Variants in ALOX12B observed in about 807,000 individuals in gnomAD.
The protein encoded by ALOX12B is arachidonate 12-lipoxygenase, 12R-type.
Under a neutral mutation model 78.9 loss-of-function variants are expected in ALOX12B, and 47 were observed. That is an observed-to-expected ratio of 0.60 (90% CI 0.47 to 0.76). The LOEUF (loss-of-function observed/expected upper bound fraction) is 0.76, where lower values mean the gene tolerates loss of function less well. Among genes scored for constraint, ALOX12B ranks in the 30% least tolerant of loss-of-function variants. The pLI, the probability that ALOX12B is intolerant of heterozygous loss-of-function variation, is 0.00. For missense variants in ALOX12B, 805 were observed against 922.6 expected, an observed-to-expected ratio of 0.87 and a Z score of 1.65; for synonymous variants, 370 against 374.5, an observed-to-expected ratio of 0.99 and a Z score of 0.14.
rs374897127 is a variant in ALOX12B at position 8,080,216 on chromosome 17, G to C, written c.754+19C>G. The C allele has an allele frequency of 5.6e-5, 91 of 1,611,302 alleles. No individual in the cohort carries two copies. The highest frequency in any genetic ancestry group is 7.1e-5 in the Non-Finnish European group (84 of 1,177,536). On this transcript the variant is annotated intron_variant, in intron 6 of 14. Transcript: ENST00000647874. The surrounding 1 kb of genome is among the most constrained non-coding windows in gnomAD (Gnocchi z 4.8). Reference sequence around the variant, plus strand: ...CCGCCTGGCTCCCCCTGCTCGATCCGGGACGCCCCATTCCATACCGGAGAC... The same window carrying C: ...CCGCCTGGCTCCCCCTGCTCGATCCCGGACGCCCCATTCCATACCGGAGAC...
rs567345973 is a variant in ALOX12B, at chr17:8,074,418, G to A, written c.1655-661C>T. Among the ~76,000 whole-genome samples, 4 of 152,130 alleles carry A rather than the reference G, an allele frequency of 2.6e-5. No individual in the cohort carries two copies. The South Asian group carries it at 8.3e-4, about 32-fold the overall frequency. ...ATGGATGACCTACATCACGTATCCA[G>A]TTGCAAAAGTCTGAAACGTGGAGTC... On this transcript the variant is annotated intron_variant, in intron 12 of 14. Transcript: ENST00000647874.
intron 10 of ALOX12B, 47 bp downstream of exon 10, chr17:8,076,610 C>A: frequency 6.5e-7 from 1 of 1,528,552 alleles, no homozygotes; most frequent in Non-Finnish European, 8.9e-7. Context: ...ACTGAAAAGG[C>A]CAGAGGAAAA....
In ALOX12B at chr17:8,079,922, C is replaced by T; in HGVS notation, c.774G>A (p.Trp258Ter). 1 of 1,612,666 alleles carries T rather than the reference C, an allele frequency of 6.2e-7. No homozygotes were observed. Among genetic ancestry groups the T allele is most frequent in the Non-Finnish European group, 8.5e-7 (1 of 1,179,596 alleles). Reference sequence around the variant, plus strand: ...GGTACCCAAAGAAGGTGTCCTCTGCCCAGTGCTCGGCCACGTACTCTGCGA... The same window carrying T: ...GGTACCCAAAGAAGGTGTCCTCTGCTCAGTGCTCGGCCACGTACTCTGCGA... ...SVVSEYVAEH[W>*]AEDTFFGYQY... The change falls in exon 7 of 15, where the codon TGG (tryptophan) becomes TGA (stop). Residue 258 changes from tryptophan to a stop codon, truncating the protein, a stop_gained. Transcript: ENST00000647874. LOFTEE classifies it high-confidence loss of function. The surrounding 1 kb of genome is among the most constrained non-coding windows in gnomAD (Gnocchi z 6.4).
rs778964875 is a variant in ALOX12B, at chr17:8,072,878, G to A, written c.1999C>T (p.Gln667Ter). The A allele has an allele frequency of 6.2e-7, 1 of 1,614,192 alleles. No homozygotes were observed. Among genetic ancestry groups the A allele is most frequent in the Non-Finnish European group, 8.5e-7 (1 of 1,180,032 alleles). The change falls in exon 15 of 15, where the codon CAG (glutamine) becomes TAG (stop). Residue 667 changes from glutamine to a stop codon, truncating the protein, a stop_gained. Coordinates refer to ENST00000647874, the MANE Select transcript of ALOX12B (RefSeq NM_001139.3). LOFTEE classifies it high-confidence loss of function. ...APRRSIEAFR[Q>*]RLNQISHDIR... ...TCGTGTGAGATCTGGTTCAGGCGCT[G>A]GCGGAACGCCTCTATGCTCCTCCGC...
rs921655203 is a variant in ALOX12B at position 8,080,336 on chromosome 17, G to A, written c.653C>T (p.Ala218Val). 6.2e-7 allele frequency: 1 copy of A among 1,614,132 alleles called. No homozygotes were observed. Among genetic ancestry groups the A allele is most frequent in the African/African-American group, 1.3e-5 (1 of 75,064 alleles). The change falls in exon 6 of 15, where the codon GCA becomes GTA. Residue 218 changes from alanine (A) to valine (V), a missense_variant and splice_region_variant. Ala to Val is a moderately conservative substitution (Grantham distance 64). Transcript: ENST00000647874. The surrounding 1 kb of genome is among the most constrained non-coding windows in gnomAD (Gnocchi z 4.8). ...CAGGCCGCGGACTTTGAAAGCCAGT[G>A]CCCTAGGAGATGGGATTCCAGGAAG... ...ASFFVRLGPM[A>V]LAFKVRGLLD... is the part of the protein sequence containing the mutation.
Position 8,081,175 on chromosome 17 carries a change from G to A in ALOX12B, c.365C>T (p.Ala122Val). Residue 122 changes from alanine to valine, a missense_variant, in exon 3 of 15, where the codon GCA (alanine) becomes GTA (valine). Ala to Val is a moderately conservative substitution (Grantham distance 64). Coordinates refer to ENST00000647874, the MANE Select transcript of ALOX12B (RefSeq NM_001139.3). ...ALREATGKTT[A>V]DDSLPVLLEH... ...CAGGAGGACGGGGAGCGAGTCATCT[G>A]CTGTTGTCTTTCCTGTAGGGAGACC... is the stretch of plus-strand genomic sequence containing the variant. 1 of 1,613,970 alleles carries A rather than the reference G, an allele frequency of 6.2e-7. No homozygotes were observed. Among genetic ancestry groups the A allele is most frequent in the Non-Finnish European group, 8.5e-7 (1 of 1,179,992 alleles).
At chr17:8,076,787 C>T (rs1469442632) in intron 9 of ALOX12B, 44 bp from the exon 10 acceptor site, 5 of 1,532,468 alleles carry the variant, frequency 3.3e-6, no homozygotes, top group African/African-American at 1.4e-5. Context: ...GCTGAAGTGG[C>T]CCCCAAAGGA....
rs1598180080 is a variant in ALOX12B at position 8,079,043 on chromosome 17, G to A, written c.1071+353C>T. 6.6e-6 allele frequency among the ~76,000 whole-genome samples: 1 copy of A among 151,960 alleles called. No homozygotes were observed. The highest frequency in any genetic ancestry group is 6.6e-5 in the Admixed American group (1 of 15,256). On this transcript the variant is annotated intron_variant, in intron 8 of 14. Coordinates refer to ENST00000647874, the MANE Select transcript of ALOX12B (RefSeq NM_001139.3). This position sits in a 1 kb window ranked among gnomAD's most constrained non-coding sequence, Gnocchi z 6.4. The stretch of plus-strand genomic sequence containing the variant: ...CTCCCGAGTAGCTGGGACTACAGGC[G>A]CCCGCCACCACGCCCGGCTAAATTT...
Position 8,081,011 on chromosome 17 carries a change from G to A in ALOX12B, c.435-35C>T, listed in dbSNP as rs375789706. On this transcript the variant is annotated intron_variant, in intron 3 of 14. Coordinates refer to ENST00000647874, the MANE Select transcript of ALOX12B (RefSeq NM_001139.3). ...AAACCGAGATGTCACCCTCATGCCC[G>A]TGCACCACCCCAGGGCAAAGGGCCA... is the stretch of plus-strand genomic sequence containing the variant. The A allele has an allele frequency of 1.9e-4, 313 of 1,612,874 alleles. 1 individual carries two copies. The highest frequency in any genetic ancestry group is 2.4e-4 in the Non-Finnish European group (288 of 1,179,226).
At chr17:8,081,968 A>G (rs984614710) in intron 2 of ALOX12B, among the ~76,000 whole-genome samples, 7 of 152,082 alleles carry the variant, frequency 4.6e-5, no homozygotes, top group South Asian at 2.1e-4. Flanking sequence ...TTTAACACCC[A>G]TTTATGGGTG....
chr17:8,079,533 T>C lies in ALOX12B; in HGVS notation c.934A>G (p.Asn312Asp), dbSNP rs1241074068. ...TCLQAELEKGNIYLADYRIME... is the reference protein window; with the variant it reads ...TCLQAELEKGDIYLADYRIME... ...ATGCGGTAGTCGGCCAGGTAAATGTTCCCCTTCTGGAGGGGAGCCGCGATG... is the reference window on the plus strand; with the variant it reads ...ATGCGGTAGTCGGCCAGGTAAATGTCCCCCTTCTGGAGGGGAGCCGCGATG... Residue 312 changes from asparagine to aspartate, a missense_variant, in exon 8 of 15, where the codon AAC becomes GAC. Transcript: ENST00000647874. The surrounding 1 kb of genome is among the most constrained non-coding windows in gnomAD (Gnocchi z 6.4). 3 of 1,550,494 alleles carry C rather than the reference T, an allele frequency of 1.9e-6. No individual in the cohort carries two copies. Among genetic ancestry groups the C allele is most frequent in the South Asian group, 2.4e-5 (2 of 84,062 alleles).
At chr17:8,081,468 A>C (rs78031359) in intron 2 of ALOX12B, 9,004 of 505,498 alleles carry the variant, frequency 0.018, 331 homozygotes, top group East Asian at 0.15. Context: ...TATTTCTATA[A>C]ATTCATGGAG....
chr17:8,074,444 G>A (rs979489818), intron 12 of ALOX12B, among the ~76,000 whole-genome samples: 5 of 151,610 alleles, frequency 3.3e-5, no homozygotes, highest in Admixed American at 6.6e-5. Flanking sequence ...ACGTGGAGTC[G>A]CCCTTGGCCC....
In ALOX12B at chr17:8,087,695, G is replaced by A. The variant is rs1978307645; in HGVS notation, c.-253C>T. ...AGCCCAGCTGGTGGTGAGTGAGCAGGTGTCTGGGCTCCAAGCCTTCTGGGA... is the reference window on the plus strand; with the variant it reads ...AGCCCAGCTGGTGGTGAGTGAGCAGATGTCTGGGCTCCAAGCCTTCTGGGA... On this transcript the variant is annotated 5_prime_UTR_variant, in exon 1 of 15. Transcript: ENST00000647874. The A allele has an allele frequency of 3.5e-6, 2 of 576,610 alleles. No individual in the cohort carries two copies. The highest frequency in any genetic ancestry group is 6.2e-6 in the Non-Finnish European group (2 of 324,374). The allele number at this position is 576,610 out of a possible 1,614,324, so 35.7% of individuals were successfully genotyped here.
intron 2 of ALOX12B, among the ~76,000 whole-genome samples, chr17:8,085,361 C>T (rs182870813): frequency 1.3e-5 from 2 of 152,252 alleles, no homozygotes; most frequent in East Asian, 1.9e-4. Context: ...GCAGGAGAAT[C>T]GCTTGAACCT....
intron 2 of ALOX12B, among the ~76,000 whole-genome samples, chr17:8,083,112 A>G (rs1978289170): frequency 6.6e-6 from 1 of 152,120 alleles, no homozygotes. Context: ...GTGTTAGTAT[A>G]TTTGATTGGG....
intron 13 of ALOX12B, among the ~76,000 whole-genome samples, 166 bp from the exon 14 acceptor site, chr17:8,073,484 G>A (rs147760016): frequency 6.6e-6 from 1 of 152,286 alleles, no homozygotes; most frequent in East Asian, 1.9e-4. Context: ...GTGTGGGGCT[G>A]GGGCTGAGAG....
intron 2 of ALOX12B, among the ~76,000 whole-genome samples, chr17:8,085,099 G>C (rs1273729323): frequency 6.6e-6 from 1 of 152,206 alleles, no homozygotes; most frequent in African/African-American, 2.4e-5. Context: ...GGGGCCTTTT[G>C]GAGTAACAGT....
Position 8,079,270 on chromosome 17 carries a change from C to A in ALOX12B, c.1071+126G>T. 1.4e-6 allele frequency: 2 copies of A among 1,385,218 alleles called. No individual in the cohort carries two copies. Among genetic ancestry groups the A allele is most frequent in the Non-Finnish European group, 9.6e-7 (1 of 1,037,404 alleles). 85.8% of individuals were successfully genotyped at this position (1,385,218 alleles called of 1,614,324 possible). A position where few individuals can be genotyped will look rare whatever the true frequency, so the allele number is the denominator to read the frequency against. On this transcript the variant is annotated intron_variant, in intron 8 of 14. Coordinates refer to ENST00000647874, the MANE Select transcript of ALOX12B (RefSeq NM_001139.3). This position sits in a 1 kb window ranked among gnomAD's most constrained non-coding sequence, Gnocchi z 6.4. ...ATCCCGGGGAGGTCCTGGAACCAAT[C>A]TCTCAAGGATAACGAGAGACGGCTG...
Sources: gnomAD v4.1 joint callset for allele counts (sites outside exome capture counted in the v4.1 genomes callset) on GRCh38, gnomAD v4.1.1 for gene constraint, Gnocchi (gnomAD v3.1) non-coding constraint, MANE v1.5 for transcripts, NCBI Gene and HGNC (gene_info 2026-07-23, HGNC 2026-07-21) for gene names.